The following RALYL variants were observed in gnomAD, a reference collection of about 807,000 sequenced individuals.
RALYL encodes RALY RNA binding protein like, also known as RNA-binding Raly-like protein.
A neutral mutation model predicts 35.1 loss-of-function variants in RALYL; 29 were observed. That is an observed-to-expected ratio of 0.83 (90% CI 0.61 to 1.13). RALYL has a LOEUF of 1.13. RALYL is among the 50% of genes most tolerant of loss of function. The pLI, the probability that RALYL is intolerant of heterozygous loss-of-function variation, is 0.00. For synonymous variants in RALYL, 120 were observed against 127.6 expected (o/e 0.94, Z 0.40); for missense variants, 359 against 360.4 (o/e 1.00, Z 0.03).
Position 84,306,057 on chromosome 8 carries a change from G to A in RALYL, c.-24+121633G>A, listed in dbSNP as rs565295807. Among the ~76,000 whole-genome samples, 48 of 151,952 alleles carry A rather than the reference G, an allele frequency of 3.2e-4. 1 individual carries two copies. In the South Asian group the frequency reaches 6.6e-3, roughly 21 times the overall value. ...CGGGCACCTGTAGTCCTAGCTATTC[G>A]GGAGGCTGAGGCAGGAGAATGGCGT... On this transcript the variant is annotated intron_variant, in intron 1 of 8. Coordinates refer to ENST00000521268, the MANE Select transcript of RALYL (RefSeq NM_173848.7).
At chr8:84,615,568 G>GTTT (rs1819326178) in intron 2 of RALYL, among the ~76,000 whole-genome samples, 1 of 63,336 alleles carries the variant, frequency 1.6e-5, no homozygotes, top group African/African-American at 6.7e-5. Flanking sequence ...TAGAACTTTC[G>GTTT]TCTTTTTTTT....
chr8:84,248,341 T>G (rs1046511542), intron 1 of RALYL, among the ~76,000 whole-genome samples: 3 of 152,064 alleles, frequency 2.0e-5, no homozygotes, highest in Admixed American at 6.6e-5. Context: ...TTCAGCAACT[T>G]TATCAAACCT....
At chr8:84,697,437 C>T (rs974741252) in intron 2 of RALYL, among the ~76,000 whole-genome samples, 2 of 151,982 alleles carry the variant, frequency 1.3e-5, no homozygotes, top group Non-Finnish European at 2.9e-5. Flanking sequence ...TGCTCTGGGT[C>T]ATTCTAACCT....
At chr8:84,634,615 A>C (rs1824632295) in intron 2 of RALYL, among the ~76,000 whole-genome samples, 1 of 151,780 alleles carries the variant, frequency 6.6e-6, no homozygotes, top group Non-Finnish European at 1.5e-5. Flanking sequence ...TATTATATTT[A>C]TATATTCAAT....
At chr8:84,591,607 A>G (rs888354715) in intron 2 of RALYL, among the ~76,000 whole-genome samples, 4 of 152,202 alleles carry the variant, frequency 2.6e-5, no homozygotes, top group African/African-American at 4.8e-5. Flanking sequence ...CCTTGGAAAG[A>G]TGGTCCAAAA....
chr8:84,733,300 C>T (rs1846584439), intron 2 of RALYL, among the ~76,000 whole-genome samples: 3 of 152,132 alleles, frequency 2.0e-5, no homozygotes, highest in South Asian at 4.1e-4. Context: ...TGTTTCAGAC[C>T]ACTAGGATAT....
intron 1 of RALYL, among the ~76,000 whole-genome samples, chr8:84,298,109 A>C (rs1840104491): frequency 6.6e-6 from 1 of 151,880 alleles, no homozygotes; most frequent in Non-Finnish European, 1.5e-5. Flanking sequence ...AATCTTTGCC[A>C]GAGCCTATGT....
chr8:84,191,079 G>T (rs1813732819), intron 1 of RALYL, among the ~76,000 whole-genome samples: 1 of 151,756 alleles, frequency 6.6e-6, no homozygotes, highest in South Asian at 2.1e-4. Flanking sequence ...ATGAATTTTT[G>T]AAATAAACTA....
chr8:84,712,463 G>A (rs1029940506), intron 2 of RALYL, among the ~76,000 whole-genome samples: 1 of 151,896 alleles, frequency 6.6e-6, no homozygotes, highest in Non-Finnish European at 1.5e-5. Context: ...TTCTCTCTCT[G>A]TGTCTCTCTC....
At position 84,691,645 on chromosome 8, in the gene RALYL, A is replaced by G. The variant is rs113925008; in HGVS notation, c.257-82934A>G. On this transcript the variant is annotated intron_variant, in intron 2 of 8. Transcript: ENST00000521268. ...CCTCCCCCCTCCCCTCATATCTTGT[A>G]TAGAAGTGGTGAGGCCTATATCAGA... 7.9e-3 allele frequency among the ~76,000 whole-genome samples: 1,194 copies of G among 152,032 alleles called. 8 individuals carry two copies. The highest frequency in any genetic ancestry group is 0.016 in the Admixed American group (245 of 15,226).
intron 2 of RALYL, among the ~76,000 whole-genome samples, chr8:84,733,983 T>G (rs534915263): frequency 6.6e-6 from 1 of 152,326 alleles, no homozygotes; most frequent in Non-Finnish European, 1.5e-5. Flanking sequence ...GAATGTTAGT[T>G]CTGTATACAA....
Position 84,873,404 on chromosome 8 carries a change from G to A in RALYL, c.685+7G>A. The A allele has an allele frequency of 6.6e-7, 1 of 1,514,276 alleles. No homozygotes were observed. Among genetic ancestry groups the A allele is most frequent in the Non-Finnish European group, 9.1e-7 (1 of 1,101,262 alleles). 93.8% of individuals were successfully genotyped at this position (1,514,276 alleles called of 1,614,324 possible). On this transcript the variant is annotated splice_region_variant and intron_variant, in intron 7 of 8. Transcript: ENST00000521268. ...CAGCAGAAGGCGGAGGCAGGTAAGT[G>A]ATCTCTGATCACAGACAGGTCAGAA...
chr8:84,829,134 G>A (rs1384019453), intron 4 of RALYL, among the ~76,000 whole-genome samples: 1 of 152,082 alleles, frequency 6.6e-6, no homozygotes, highest in Non-Finnish European at 1.5e-5. Context: ...CTTATGTGAT[G>A]GCAGGCAAGA....
At chr8:84,591,509 A>G (rs975552819) in intron 2 of RALYL, among the ~76,000 whole-genome samples, 1 of 152,152 alleles carries the variant, frequency 6.6e-6, no homozygotes, top group Non-Finnish European at 1.5e-5. Context: ...AAGGAACCCA[A>G]TTTTTAAATA....
chr8:84,374,235 A>G (rs913438560), intron 1 of RALYL, among the ~76,000 whole-genome samples: 1 of 151,974 alleles, frequency 6.6e-6, no homozygotes, highest in Non-Finnish European at 1.5e-5. Flanking sequence ...CAGGACTTCC[A>G]ATACTATCAT....
chr8:84,686,905 G>C (rs1836927492), intron 2 of RALYL, among the ~76,000 whole-genome samples: 1 of 151,876 alleles, frequency 6.6e-6, no homozygotes. Flanking sequence ...CTAATAACAT[G>C]GCAACATTGT....
intron 7 of RALYL, among the ~76,000 whole-genome samples, chr8:84,874,802 G>T (rs954962438): frequency 6.6e-6 from 1 of 152,168 alleles, no homozygotes; most frequent in Non-Finnish European, 1.5e-5. Context: ...GGTGAGTAAT[G>T]AACAAAGTGG....
At chr8:84,318,213 G>A (rs1370652276) in intron 1 of RALYL, among the ~76,000 whole-genome samples, 3 of 152,150 alleles carry the variant, frequency 2.0e-5, no homozygotes, top group Non-Finnish European at 4.4e-5. Context: ...GGGACCCTGT[G>A]GGACTGCACA....
intron 1 of RALYL, among the ~76,000 whole-genome samples, chr8:84,415,394 G>A (rs2044581529): frequency 6.6e-6 from 1 of 151,544 alleles, no homozygotes; most frequent in Non-Finnish European, 1.5e-5. Flanking sequence ...CGCCTGCCAC[G>A]ACGCTTGGCT....
Sources: gnomAD v4.1 joint callset for allele counts (sites outside exome capture counted in the v4.1 genomes callset) on GRCh38, gnomAD v4.1.1 for gene constraint, MANE v1.5 for transcripts, NCBI Gene and HGNC (gene_info 2026-07-23, HGNC 2026-07-21) for gene names.